The following SCYL2 variants were observed in gnomAD, a reference collection of about 807,000 sequenced individuals.
SCYL2 encodes the protein SCY1-like protein 2.
In SCYL2, 36 loss-of-function variants were observed where a neutral mutation model predicts 100.4. The observed-to-expected ratio is 0.36, with a 90% CI of 0.27 to 0.47. The LOEUF (loss-of-function observed/expected upper bound fraction) is 0.47, where lower values mean the gene tolerates loss of function less well. Among genes scored for constraint, SCYL2 ranks in the 20% least tolerant of loss-of-function variants. The pLI, the probability that SCYL2 is intolerant of heterozygous loss-of-function variation, is 1.00. For synonymous variants in SCYL2, 330 were observed against 359.2 expected (o/e 0.92, Z 0.92); for missense variants, 902 against 1,083.9 (o/e 0.83, Z 2.36).
At chr12:100,270,307 A>G (rs1450778947) in intron 1 of SCYL2, among the ~76,000 whole-genome samples, 1 of 152,100 alleles carries the variant, frequency 6.6e-6, no homozygotes, top group Admixed American at 6.5e-5. Context: ...ACTTTCTTAA[A>G]TTAAGGAAGA....
intron 4 of SCYL2, among the ~76,000 whole-genome samples, chr12:100,298,964 T>A (rs1255538086): frequency 6.6e-6 from 1 of 152,160 alleles, no homozygotes; most frequent in Non-Finnish European, 1.5e-5. Flanking sequence ...CTTTGGTGGC[T>A]TATGCCTGTA....
At position 100,338,574 on chromosome 12, in the gene SCYL2, C is replaced by T. The variant is rs760564062; in HGVS notation, c.2192C>T (p.Thr731Ile). 2.5e-5 allele frequency: 40 copies of T among 1,613,138 alleles called. No individual in the cohort carries two copies. The highest frequency in any genetic ancestry group is 3.1e-5 in the Non-Finnish European group (37 of 1,179,486). The change falls in exon 18 of 18, where the codon ACC (threonine) becomes ATC (isoleucine). Residue 731 changes from threonine (T) to isoleucine (I), a missense_variant. Coordinates refer to ENST00000360820, the MANE Select transcript of SCYL2 (RefSeq NM_017988.6). ...DTLMDNMSSL[T>I]SLSVSTPKSS... ...CTGATGGATAATATGTCATCCTTGA[C>T]CAGCCTTTCTGTTAGTACCCCTAAA...
At chr12:100,310,965 A>G in intron 4 of SCYL2, 79 bp from the exon 5 acceptor site, 1 of 1,325,218 alleles carries the variant, frequency 7.5e-7, no homozygotes, top group Non-Finnish European at 1.0e-6. Context: ...GAGTAGCAAT[A>G]ATTATTATTT....
At chr12:100,338,455 T>C in intron 17 of SCYL2, 73 bp from the exon 18 acceptor site, 1 of 1,258,602 alleles carries the variant, frequency 7.9e-7, no homozygotes, top group Middle Eastern at 2.6e-4. Context: ...TATAATTTAA[T>C]CTGTCAAATG....
rs12298868 is a variant in SCYL2 at position 100,304,483 on chromosome 12, G to A, written c.480+6308G>A. On this transcript the variant is annotated intron_variant, in intron 4 of 17. Transcript: ENST00000360820. ...TGCACCATCCCTCATGGGACATACA[G>A]TCTCTCATGGCTTCCCTTGGCGACA... 4.2e-3 allele frequency among the ~76,000 whole-genome samples: 636 copies of A among 152,256 alleles called. 8 individuals are homozygous for A. Among genetic ancestry groups the A allele is most frequent in the African/African-American group, 0.014 (601 of 41,560 alleles).
chr12:100,303,822 A>T (rs1196401870), intron 4 of SCYL2, among the ~76,000 whole-genome samples: 1 of 152,186 alleles, frequency 6.6e-6, no homozygotes, highest in African/African-American at 2.4e-5. Context: ...TACAGCCAGT[A>T]GGGAGGAATG....
At chr12:100,327,281 T>C in intron 12 of SCYL2, 1 of 245,764 alleles carries the variant, frequency 4.1e-6, no homozygotes, top group Non-Finnish European at 8.6e-6. Context: ...TCTTAATTAG[T>C]ATATTTTGTG....
chr12:100,337,062 A>C (rs1328949984), intron 16 of SCYL2, among the ~76,000 whole-genome samples: 1 of 152,150 alleles, frequency 6.6e-6, no homozygotes, highest in Non-Finnish European at 1.5e-5. Context: ...GAGATAGATT[A>C]GAGTTTAAAT....
At chr12:100,316,181 C>T (rs548117631) in intron 9 of SCYL2, among the ~76,000 whole-genome samples, 1 of 152,256 alleles carries the variant, frequency 6.6e-6, no homozygotes, top group Non-Finnish European at 1.5e-5. Context: ...ATAACTACTT[C>T]CACTAGAATA....
At chr12:100,290,449 G>A (rs1255275004) in intron 2 of SCYL2, among the ~76,000 whole-genome samples, 23 of 152,158 alleles carry the variant, frequency 1.5e-4, no homozygotes, top group Non-Finnish European at 1.6e-4. Context: ...TACAAGTTAT[G>A]TTTGAGAAAT....
intron 11 of SCYL2, among the ~76,000 whole-genome samples, chr12:100,324,582 T>A (rs2096359691): frequency 6.6e-6 from 1 of 152,188 alleles, no homozygotes; most frequent in African/African-American, 2.4e-5. Flanking sequence ...TTAGTTCATT[T>A]CTTGGTTGAA....
At chr12:100,336,198 C>T (rs1288292995) in intron 16 of SCYL2, among the ~76,000 whole-genome samples, 1 of 152,004 alleles carries the variant, frequency 6.6e-6, no homozygotes, top group East Asian at 1.9e-4. Flanking sequence ...TTGGTGAATC[C>T]CACTGTCTCT....
In SCYL2 at chr12:100,312,473, A is replaced by C; in HGVS notation, c.672A>C (p.Ser224=). 1.9e-6 allele frequency: 3 copies of C among 1,613,430 alleles called. No individual in the cohort carries two copies. The highest frequency in any genetic ancestry group is 2.5e-6 in the Non-Finnish European group (3 of 1,179,928). Residue 224 remains serine (S), a synonymous_variant, in exon 6 of 18, where the codon TCA becomes TCC. Transcript: ENST00000360820. The stretch of plus-strand genomic sequence containing the variant: ...AAGAATGGGACCCAAATTTACCTTC[A>C]TTGTGTCTTCCAAATCCTGAATATT... ...PCKEWDPNLP[S]LCLPNPEYLA...
chr12:100,294,045 A>G (rs1372317661), intron 3 of SCYL2, among the ~76,000 whole-genome samples: 3 of 150,570 alleles, frequency 2.0e-5, no homozygotes, highest in Admixed American at 2.0e-4. Flanking sequence ...GCTGTTGGGC[A>G]CACCTCCCAG....
intron 1 of SCYL2, among the ~76,000 whole-genome samples, chr12:100,271,261 A>T (rs12809874): frequency 8.0e-5 from 2 of 25,104 alleles, no homozygotes; most frequent in Non-Finnish European, 1.5e-4. Context: ...GCAGAGCAGC[A>T]AAAAAAAAAA....
At chr12:100,299,176 A>C (rs1160445561) in intron 4 of SCYL2, among the ~76,000 whole-genome samples, 1 of 152,112 alleles carries the variant, frequency 6.6e-6, no homozygotes, top group Non-Finnish European at 1.5e-5. Context: ...TTGAGGATGC[A>C]GTGAGCTATG....
chr12:100,332,939 C>T (rs1368592819), intron 13 of SCYL2, among the ~76,000 whole-genome samples: 1 of 152,062 alleles, frequency 6.6e-6, no homozygotes. Flanking sequence ...TGGTCTCAAA[C>T]TCCTAGGCTC....
chr12:100,341,140 G>A lies in SCYL2; in HGVS notation c.*1968G>A, dbSNP rs568905783. On this transcript the variant is annotated 3_prime_UTR_variant, in exon 18 of 18. Coordinates refer to ENST00000360820, the MANE Select transcript of SCYL2 (RefSeq NM_017988.6). ...AATTTGTTCATTCGTTGAGGTAATG[G>A]TGCTATGTTTTTACAAAATTGTTCC... 1 of 152,018 alleles carries A rather than the reference G, an allele frequency of 6.6e-6. No individual in the cohort carries two copies. The highest frequency in any genetic ancestry group is 2.4e-5 in the African/African-American group (1 of 41,490). The allele number at this position is 152,018 out of a possible 1,614,324, so 9.4% of individuals were successfully genotyped here.
At chr12:100,289,426 A>G (rs930330033) in intron 2 of SCYL2, among the ~76,000 whole-genome samples, 1 of 152,238 alleles carries the variant, frequency 6.6e-6, no homozygotes, top group Non-Finnish European at 1.5e-5. Flanking sequence ...CCTCATTTGT[A>G]AAGTTAATAT....
Sources: allele counts gnomAD v4.1 joint callset (sites outside exome capture counted in the v4.1 genomes callset), GRCh38; gene constraint gnomAD v4.1.1; transcripts MANE v1.5; gene names NCBI Gene and HGNC (gene_info 2026-07-23, HGNC 2026-07-21).